CDON: variants seen among roughly 807,000 people sequenced by gnomAD.
CDON encodes cell adhesion associated, oncogene regulated.
Under a neutral mutation model 120.9 loss-of-function variants are expected in CDON, and 73 were observed. The observed-to-expected ratio is 0.60, with a 90% confidence interval of 0.50 to 0.73. The LOEUF is 0.73. Ranked by LOEUF, CDON falls within the 30% of genes least tolerant of loss-of-function variation. The pLI, the probability that CDON is intolerant of heterozygous loss-of-function variation, is 0.00. For synonymous variants in CDON, 566 were observed against 573.5 expected, an observed-to-expected ratio of 0.99 and a Z score of 0.19; for missense variants, 1,470 against 1,587.3, an observed-to-expected ratio of 0.93 and a Z score of 1.26.
chr11:126,001,643 A>C (rs770019762), intron 11 of CDON, 76 bp downstream of exon 11: 8 of 1,293,588 alleles, frequency 6.2e-6, no homozygotes, highest in Non-Finnish European at 5.6e-6. Flanking sequence ...CAAACACCCT[A>C]TTCCACCCCA....
In CDON at chr11:125,980,690, C is replaced by T. The variant is rs868510776; in HGVS notation, c.3276+359G>A. Among the ~76,000 whole-genome samples the T allele has an allele frequency of 7.9e-5, 12 of 152,330 alleles. No individual in the cohort carries two copies. The South Asian group carries it at 1.5e-3, about 18-fold the overall frequency. ...TCACTCCCACAATTTCCTGATCTGCCTGACTCTTTTCGGCATTTGCATTTT... is the reference window on the plus strand; with the variant it reads ...TCACTCCCACAATTTCCTGATCTGCTTGACTCTTTTCGGCATTTGCATTTT... On this transcript the variant is annotated intron_variant, in intron 17 of 19. Coordinates refer to ENST00000531738, the MANE Select transcript of CDON (RefSeq NM_001378964.1).
chr11:126,000,156 T>C (rs545911945), intron 11 of CDON, among the ~76,000 whole-genome samples: 1 of 152,316 alleles, frequency 6.6e-6, no homozygotes, highest in African/African-American at 2.4e-5. Flanking sequence ...TTTGTCTATA[T>C]TATCCACATA....
rs1212078803 is a variant in CDON at position 126,003,811 on chromosome 11, C to T, written c.2026+91G>A. 8.5e-6 allele frequency: 10 copies of T among 1,178,098 alleles called. No individual in the cohort carries two copies. In the Admixed American group the frequency reaches 1.3e-4, roughly 15 times the overall value. The allele number at this position is 1,178,098 out of a possible 1,614,324, so 73.0% of individuals were successfully genotyped here. ...CTCCAGCCTGCGTGACAGAGCAAGA[C>T]TCCATCTCAAAAAAAATAAATTAAT... On this transcript the variant is annotated intron_variant, in intron 10 of 19. Transcript: ENST00000531738.
Position 126,004,060 on chromosome 11 carries a change from C to T in CDON, c.1868G>A (p.Gly623Asp), listed in dbSNP as rs746219316. The T allele has an allele frequency of 3.7e-6, 6 of 1,613,688 alleles. No individual in the cohort carries two copies. Among genetic ancestry groups the T allele is most frequent in the South Asian group, 2.2e-5 (2 of 91,050 alleles). The change falls in exon 10 of 20, where the codon GGC becomes GAC. Residue 623 changes from glycine (G) to aspartate (D), a missense_variant. By Grantham distance (94) the Gly-to-Asp change is moderately conservative (BLOSUM62 -1). Transcript: ENST00000531738. ...AACCGTGTGCCAGCTTCCCAGCATG[C>T]CAACCCCATCATCCAGCTGCCCAAG... The part of the protein sequence containing the change: ...VKYRKLDDGV[G>D]MLGSWHTVRV...
intron 1 of CDON, among the ~76,000 whole-genome samples, chr11:126,043,148 A>G (rs1948311122): frequency 1.3e-5 from 2 of 152,186 alleles, no homozygotes; most frequent in Non-Finnish European, 1.5e-5. Context: ...CTTCGTTTGC[A>G]CAGAAGTATA....
At chr11:126,032,134 A>T (rs1463972058) in intron 1 of CDON, among the ~76,000 whole-genome samples, 5 of 152,168 alleles carry the variant, frequency 3.3e-5, no homozygotes, top group Non-Finnish European at 7.4e-5. Context: ...CAGAGATTAA[A>T]GCAGTTACAT....
intron 1 of CDON, among the ~76,000 whole-genome samples, chr11:126,045,119 G>A (rs1347186268): frequency 6.6e-6 from 1 of 152,158 alleles, no homozygotes; most frequent in African/African-American, 2.4e-5. Context: ...TCCGCCTCCA[G>A]GGTGCAAGCG....
intron 1 of CDON, among the ~76,000 whole-genome samples, chr11:126,041,914 C>T (rs1407392401): frequency 1.3e-5 from 2 of 151,980 alleles, no homozygotes; most frequent in African/African-American, 4.8e-5. Context: ...GACAGAGTTT[C>T]GCTCTTGTTG....
chr11:125,968,787 C>T (rs1409319669), intron 18 of CDON, among the ~76,000 whole-genome samples: 1 of 152,166 alleles, frequency 6.6e-6, no homozygotes, highest in Non-Finnish European at 1.5e-5. Flanking sequence ...TGAATCTTAA[C>T]TCATAATCAT....
rs1309689806 is a variant in CDON at position 125,978,334 on chromosome 11, ACACACTCC to A, written c.3318_3325del (p.Glu1107Ter). ...GTTGTTTCGACAATTTCGGCAGTTAACACACTCCAGAGGGTCAATCTGAGGCACGGCCG... is the reference window on the plus strand; with the variant it reads ...GTTGTTTCGACAATTTCGGCAGTTAAAGAGGGTCAATCTGAGGCACGGCCG... On this transcript the variant is annotated frameshift_variant, in exon 18 of 20. Coordinates refer to ENST00000531738, the MANE Select transcript of CDON (RefSeq NM_001378964.1). LOFTEE classifies it high-confidence loss of function. The A allele has an allele frequency of 1.9e-6, 3 of 1,609,540 alleles. No homozygotes were observed. The highest frequency in any genetic ancestry group is 1.7e-6 in the Non-Finnish European group (2 of 1,177,104).
At chr11:126,040,154 G>A (rs1948216068) in intron 1 of CDON, among the ~76,000 whole-genome samples, 1 of 152,122 alleles carries the variant, frequency 6.6e-6, no homozygotes. Flanking sequence ...TGCAAAAAAG[G>A]TCTTTGGGAA....
At position 126,020,045 on chromosome 11, in the gene CDON, T is replaced by C. The variant is rs140011562; in HGVS notation, c.350-280A>G. 4.0e-4 allele frequency among the ~76,000 whole-genome samples: 61 copies of C among 151,398 alleles called. 1 individual carries two copies. Among genetic ancestry groups the C allele is most frequent in the African/African-American group, 1.4e-3 (58 of 41,174 alleles). On this transcript the variant is annotated intron_variant, in intron 3 of 19. Coordinates refer to ENST00000531738, the MANE Select transcript of CDON (RefSeq NM_001378964.1). Reference sequence around the variant, plus strand: ...CAGCCTGGGTAACAGAGTGAGACCCTGTCTCAAGAGAAAAAAAAAGAAAAA... The same window carrying C: ...CAGCCTGGGTAACAGAGTGAGACCCCGTCTCAAGAGAAAAAAAAAGAAAAA...
chr11:125,984,790 A>G (rs1201625303), intron 15 of CDON, among the ~76,000 whole-genome samples: 2 of 152,176 alleles, frequency 1.3e-5, no homozygotes, highest in Non-Finnish European at 2.9e-5. Flanking sequence ...TCAGGATTAC[A>G]TATTTTATGC....
chr11:126,054,692 A>G (rs1948643076), intron 1 of CDON, among the ~76,000 whole-genome samples: 1 of 152,212 alleles, frequency 6.6e-6, no homozygotes, highest in Non-Finnish European at 1.5e-5. Flanking sequence ...GACCTACTGA[A>G]TCAGAATATG....
At chr11:126,010,734 T>G (rs375721934) in intron 7 of CDON, 40 bp from the exon 8 acceptor site, 77 of 1,522,648 alleles carry the variant, frequency 5.1e-5, no homozygotes, top group Non-Finnish European at 6.6e-5. Context: ...ATGAAGAACA[T>G]TGTAGTACCT....
intron 1 of CDON, among the ~76,000 whole-genome samples, chr11:126,046,772 C>G (rs1948417871): frequency 6.6e-6 from 1 of 152,142 alleles, no homozygotes; most frequent in South Asian, 2.1e-4. Flanking sequence ...GTGGGGCTGA[C>G]AGTATGCACA....
chr11:126,018,248 GA>G (rs963492707), intron 5 of CDON, 81 bp downstream of exon 5: 275 of 1,366,334 alleles, frequency 2.0e-4, no homozygotes, highest in Non-Finnish European at 2.4e-4. Context: ...AACAGGATTT[GA>G]AAAAAAAATG....
At chr11:126,052,175 C>G (rs190302258) in intron 1 of CDON, among the ~76,000 whole-genome samples, 1 of 152,134 alleles carries the variant, frequency 6.6e-6, no homozygotes, top group East Asian at 1.9e-4. Flanking sequence ...GACCTACATA[C>G]AGTCAAAACA....
intron 17 of CDON, among the ~76,000 whole-genome samples, chr11:125,979,710 CAG>C (rs1402792367): frequency 3.9e-5 from 6 of 152,150 alleles, no homozygotes; most frequent in Non-Finnish European, 5.9e-5. Flanking sequence ...CTTATGGAAA[CAG>C]TGTGTGCTAT....
Sources: allele counts gnomAD v4.1 joint callset (sites outside exome capture counted in the v4.1 genomes callset), GRCh38; gene constraint gnomAD v4.1.1; transcripts MANE v1.5; gene names NCBI Gene and HGNC (gene_info 2026-07-23, HGNC 2026-07-21).